Variants in SGCZ observed in about 807,000 individuals in gnomAD.
SGCZ encodes the protein sarcoglycan zeta.
A neutral mutation model predicts 41.3 loss-of-function variants in SGCZ; 40 were observed. The observed-to-expected ratio is 0.97, with a 90% CI of 0.75 to 1.26. The LOEUF is 1.26. SGCZ is among the 50% of genes most tolerant of loss of function. SGCZ has a pLI of 0.00. For synonymous variants in SGCZ, 206 were observed against 137.5 expected (o/e 1.50, Z -3.49); for missense variants, 552 against 369.8 (o/e 1.49, Z -4.04).
intron 1 of SGCZ, among the ~76,000 whole-genome samples, chr8:14,647,005 T>C (rs189021583): frequency 1.3e-5 from 2 of 152,086 alleles, no homozygotes; most frequent in African/African-American, 4.8e-5. Context: ...TAGAGCTTCC[T>C]CATGGTCCAT....
rs540482013 is a variant in SGCZ at position 14,992,899 on chromosome 8, CAATCTACTCCCA to C, written c.39+244674_39+244685del. 4.5e-4 allele frequency among the ~76,000 whole-genome samples: 66 copies of C among 147,724 alleles called. 1 individual carries two copies. In the East Asian group the frequency reaches 0.013, roughly 29 times the overall value. ...TTACCTCTCGCCCATCCTCCTCATC[CAATCTACTCCCA>C]AATCTACTCCCAAAACCAATGTTAC... On this transcript the variant is annotated intron_variant, in intron 1 of 7. Transcript: ENST00000382080.
chr8:14,943,683 A>G (rs1800350281), intron 1 of SGCZ, among the ~76,000 whole-genome samples: 1 of 152,048 alleles, frequency 6.6e-6, no homozygotes, highest in African/African-American at 2.4e-5. Context: ...CACCCAAGTA[A>G]AAAGCATGCC....
chr8:14,377,483 G>C (rs1050054741), intron 2 of SGCZ, among the ~76,000 whole-genome samples: 1 of 151,134 alleles, frequency 6.6e-6, no homozygotes, highest in Non-Finnish European at 1.5e-5. Context: ...GGTATCCTGA[G>C]AACCCTTGAT....
chr8:15,169,608 C>A (rs2117059610), intron 1 of SGCZ, among the ~76,000 whole-genome samples: 1 of 151,576 alleles, frequency 6.6e-6, no homozygotes, highest in East Asian at 1.9e-4. Flanking sequence ...GACTAGGCGG[C>A]TAATAAACAA....
At chr8:14,536,129 G>A (rs1345431411) in intron 2 of SGCZ, among the ~76,000 whole-genome samples, 1 of 151,786 alleles carries the variant, frequency 6.6e-6, no homozygotes, top group Non-Finnish European at 1.5e-5. Flanking sequence ...ATTTTGTTTA[G>A]CATATACATA....
chr8:14,585,713 TATA>T (rs1167667840), intron 1 of SGCZ, among the ~76,000 whole-genome samples: 14 of 152,152 alleles, frequency 9.2e-5, no homozygotes, highest in African/African-American at 3.1e-4. Context: ...ACAAAAAATA[TATA>T]ATGTTTCTTA....
At position 15,064,748 on chromosome 8, in the gene SGCZ, C is replaced by T. The variant is rs77474832; in HGVS notation, c.39+172837G>A. ...CTATAAACCCCTAGTTTGGGGGGAT[C>T]AGTGAGATAGATTTGAAACTGAGCT... On this transcript the variant is annotated intron_variant, in intron 1 of 7. Coordinates refer to ENST00000382080, the MANE Select transcript of SGCZ (RefSeq NM_139167.4). 5.5e-3 allele frequency among the ~76,000 whole-genome samples: 839 copies of T among 152,158 alleles called. 9 individuals are homozygous for T. Among genetic ancestry groups the T allele is most frequent in the African/African-American group, 0.019 (806 of 41,516 alleles).
At position 14,945,960 on chromosome 8, in the gene SGCZ, T is replaced by C. The variant is rs963619325; in HGVS notation, c.39+291625A>G. Among the ~76,000 whole-genome samples the C allele has an allele frequency of 6.8e-5, 9 of 131,480 alleles. No individual in the cohort carries two copies. In the East Asian group the frequency reaches 1.4e-3, roughly 21 times the overall value. 86.3% of individuals were successfully genotyped at this position (131,480 alleles called of 152,430 possible). A position where few individuals can be genotyped will look rare whatever the true frequency, so the allele number is the denominator to read the frequency against. ...GCAGATAGGCCTCTCATGGGACTTT[T>C]CAGCCTCCATAATAGCATAAGCCAA... On this transcript the variant is annotated intron_variant, in intron 1 of 7. Transcript: ENST00000382080.
chr8:14,227,217 G>A (rs957752725), intron 4 of SGCZ, among the ~76,000 whole-genome samples: 8 of 152,180 alleles, frequency 5.3e-5, no homozygotes, highest in African/African-American at 1.9e-4. Context: ...AATAATCTTT[G>A]TAGAAAAATG....
At chr8:14,617,173 C>A (rs10091736) in intron 1 of SGCZ, among the ~76,000 whole-genome samples, 39,717 of 151,966 alleles carry the variant, frequency 0.26, 5,679 homozygotes, top group East Asian at 0.57. Context: ...TTCCCTAAAG[C>A]ATTTCTGAAG....
intron 1 of SGCZ, among the ~76,000 whole-genome samples, chr8:15,066,413 T>C (rs1805151521): frequency 6.6e-6 from 1 of 152,126 alleles, no homozygotes; most frequent in Admixed American, 6.5e-5. Flanking sequence ...TGGTATATTA[T>C]AATAACTGTT....
At chr8:15,163,868 T>C (rs981205019) in intron 1 of SGCZ, among the ~76,000 whole-genome samples, 1 of 152,206 alleles carries the variant, frequency 6.6e-6, no homozygotes, top group African/African-American at 2.4e-5. Context: ...TGGGCTGCTA[T>C]TGAGACAGCC....
intron 1 of SGCZ, among the ~76,000 whole-genome samples, chr8:14,824,481 T>G (rs943305227): frequency 6.6e-6 from 1 of 152,108 alleles, no homozygotes; most frequent in Admixed American, 6.5e-5. Flanking sequence ...CTTCAAATAT[T>G]TCCATATCAT....
At chr8:15,042,784 C>T (rs946480832) in intron 1 of SGCZ, among the ~76,000 whole-genome samples, 5 of 152,152 alleles carry the variant, frequency 3.3e-5, no homozygotes, top group Non-Finnish European at 5.9e-5. Flanking sequence ...TATTACAGCA[C>T]TTCCTCTCTT....
At chr8:14,334,656 A>G (rs1050000764) in intron 2 of SGCZ, among the ~76,000 whole-genome samples, 2 of 151,930 alleles carry the variant, frequency 1.3e-5, no homozygotes, top group African/African-American at 4.8e-5. Context: ...TTTGCCTCAA[A>G]TTTGCATTGT....
chr8:14,845,562 G>C (rs764687700), intron 1 of SGCZ, among the ~76,000 whole-genome samples: 6 of 152,092 alleles, frequency 3.9e-5, no homozygotes, highest in African/African-American at 1.4e-4. Flanking sequence ...AAAGATGTTA[G>C]AATTTGTAGA....
intron 3 of SGCZ, among the ~76,000 whole-genome samples, chr8:14,292,560 G>A (rs919506770): frequency 3.9e-5 from 6 of 152,044 alleles, no homozygotes; most frequent in African/African-American, 9.7e-5. Flanking sequence ...GATGGAAAAG[G>A]CTGCTTTGTG....
At chr8:14,819,769 C>T (rs1410708243) in intron 1 of SGCZ, among the ~76,000 whole-genome samples, 1 of 151,954 alleles carries the variant, frequency 6.6e-6, no homozygotes, top group African/African-American at 2.4e-5. Flanking sequence ...TCTATGTGAC[C>T]AAAGTCAAGT....
In SGCZ at chr8:14,985,229, C is replaced by T. The variant is rs114495093; in HGVS notation, c.39+252356G>A. Among the ~76,000 whole-genome samples, 1,017 of 152,176 alleles carry T rather than the reference C, an allele frequency of 6.7e-3. 9 individuals carry two copies. Among genetic ancestry groups the T allele is most frequent in the African/African-American group, 0.023 (951 of 41,528 alleles). On this transcript the variant is annotated intron_variant, in intron 1 of 7. Transcript: ENST00000382080. ...AATTAAAGAAAACTGTATCAAGGTGCCTTTTTTTCTATATTATCCCTTAGA... is the reference window on the plus strand; with the variant it reads ...AATTAAAGAAAACTGTATCAAGGTGTCTTTTTTTCTATATTATCCCTTAGA...
Sources: allele counts gnomAD v4.1 joint callset (sites outside exome capture counted in the v4.1 genomes callset), GRCh38; gene constraint gnomAD v4.1.1; transcripts MANE v1.5; gene names NCBI Gene and HGNC (gene_info 2026-07-23, HGNC 2026-07-21).